Variants in ZNF699 observed in about 807,000 individuals in gnomAD.
ZNF699 encodes zinc finger protein 699.
Under a neutral mutation model 22.5 loss-of-function variants are expected in ZNF699, and 18 were observed. That is an observed-to-expected ratio of 0.80 (90% CI 0.55 to 1.19). The LOEUF is 1.19. Ranked by LOEUF, ZNF699 falls within the 50% of genes most tolerant of loss-of-function variation. The probability of loss-of-function intolerance (pLI) is 0.00; values close to 1 mark genes in which losing one functional copy is unlikely to be tolerated. For missense variants in ZNF699, 670 were observed against 763.4 expected, an observed-to-expected ratio of 0.88 and a Z score of 1.44; for synonymous variants, 241 against 262.3, an observed-to-expected ratio of 0.92 and a Z score of 0.78.
At chr19:9,306,166 G>A (rs1359827441) in intron 1 of ZNF699, among the ~76,000 whole-genome samples, 1 of 152,048 alleles carries the variant, frequency 6.6e-6, no homozygotes. Flanking sequence ...GGCCGAGGTG[G>A]ATGGATCACG....
Position 9,296,152 on chromosome 19 carries a change from G to T in ZNF699, c.1252C>A (p.Pro418Thr). ...TTTCCACATTCCAGACATTCATACGGTTTTTCTCCAGTGTGTTTTCTCATA... is the reference window on the plus strand; with the variant it reads ...TTTCCACATTCCAGACATTCATACGTTTTTTCTCCAGTGTGTTTTCTCATA... ...IHMRKHTGEK[P>T]YECLECGKAF... The change falls in exon 6 of 6, where the codon CCG becomes ACG. Residue 418 changes from proline to threonine, a missense_variant. By Grantham distance (38) the Pro-to-Thr change is conservative. Coordinates refer to ENST00000591998, the MANE Select transcript of ZNF699 (RefSeq NM_198535.3). The T allele has an allele frequency of 6.2e-7, 1 of 1,613,884 alleles. No homozygotes were observed. Among genetic ancestry groups the T allele is most frequent in the Non-Finnish European group, 8.5e-7 (1 of 1,179,960 alleles).
intron 1 of ZNF699, among the ~76,000 whole-genome samples, 162 bp from the exon 2 acceptor site, chr19:9,305,286 CAT>C (rs920768371): frequency 2.1e-4 from 32 of 152,062 alleles, no homozygotes; most frequent in Middle Eastern, 3.4e-3. Context: ...CACACACACA[CAT>C]GCACACACCC....
Position 9,296,147 on chromosome 19 carries a change from A to G in ZNF699, c.1257T>C (p.Tyr419=), listed in dbSNP as rs774188223. 6.2e-6 allele frequency: 10 copies of G among 1,613,988 alleles called. No individual in the cohort carries two copies. The East Asian group carries it at 2.0e-4, about 32-fold the overall frequency. The part of the protein sequence containing the change: ...HMRKHTGEKP[Y]ECLECGKAFY... ...AGGCCTTTCCACATTCCAGACATTC[A>G]TACGGTTTTTCTCCAGTGTGTTTTC... The change falls in exon 6 of 6, where the codon TAT becomes TAC. Residue 419 remains tyrosine (Y), a synonymous_variant. Coordinates refer to ENST00000591998, the MANE Select transcript of ZNF699 (RefSeq NM_198535.3).
chr19:9,304,379 G>A (rs553653636), intron 2 of ZNF699, among the ~76,000 whole-genome samples: 1 of 151,536 alleles, frequency 6.6e-6, no homozygotes, highest in South Asian at 2.1e-4. Flanking sequence ...GAGAAAAGCA[G>A]CCTTTCATTT....
chr19:9,301,446 T>G (rs1332020310), intron 3 of ZNF699, among the ~76,000 whole-genome samples: 1 of 152,106 alleles, frequency 6.6e-6, no homozygotes, highest in Non-Finnish European at 1.5e-5. Context: ...GCCCTGCTGA[T>G]CCCTTGATTT....
At chr19:9,302,332 A>T in intron 3 of ZNF699, 46 bp downstream of exon 3, 1 of 1,608,872 alleles carries the variant, frequency 6.2e-7, no homozygotes, top group Admixed American at 1.7e-5. Context: ...TAGTGAGATA[A>T]AATAACTTTC....
At position 9,293,357 on chromosome 19, in the gene ZNF699, T is replaced by C. The variant is rs1413425900; in HGVS notation, c.*2118A>G. 6.6e-6 allele frequency among the ~76,000 whole-genome samples: 1 copy of C among 152,130 alleles called. No individual in the cohort carries two copies. Reference sequence around the variant, plus strand: ...ATTGTTTTGGGGATTATTCGTGGAATCGATATTTTTTGAAAACTGCAATAC... The same window carrying C: ...ATTGTTTTGGGGATTATTCGTGGAACCGATATTTTTTGAAAACTGCAATAC... On this transcript the variant is annotated 3_prime_UTR_variant, in exon 6 of 6. Coordinates refer to ENST00000591998, the MANE Select transcript of ZNF699 (RefSeq NM_198535.3).
chr19:9,298,663 C>T (rs2066296089), intron 3 of ZNF699, among the ~76,000 whole-genome samples: 2 of 152,104 alleles, frequency 1.3e-5, no homozygotes, highest in South Asian at 2.1e-4. Flanking sequence ...ACAAGGTTAC[C>T]TCATAATTTT....
chr19:9,309,136 C>CTTTT (rs61471638), intron 1 of ZNF699, among the ~76,000 whole-genome samples: 9 of 104,832 alleles, frequency 8.6e-5, no homozygotes, highest in African/African-American at 1.4e-4. Context: ...TTTTATTTTA[C>CTTTT]TTTTTTTTTT....
chr19:9,308,608 C>G (rs1295509198), intron 1 of ZNF699, among the ~76,000 whole-genome samples: 1 of 151,806 alleles, frequency 6.6e-6, no homozygotes, highest in Non-Finnish European at 1.5e-5. Flanking sequence ...GGCAACAGAG[C>G]GAGACTCCTA....
intron 1 of ZNF699, among the ~76,000 whole-genome samples, chr19:9,307,190 G>A (rs1359286995): frequency 6.6e-6 from 1 of 152,168 alleles, no homozygotes; most frequent in Middle Eastern, 3.2e-3. Flanking sequence ...AACAGAGCCA[G>A]ACTCTGTCTC....
intron 3 of ZNF699, among the ~76,000 whole-genome samples, chr19:9,298,432 C>T (rs1273921987): frequency 1.4e-5 from 2 of 138,592 alleles, no homozygotes; most frequent in African/African-American, 2.8e-5. Context: ...GGCGACAGAG[C>T]GAGACTCTAT....
rs546180021 is a variant in ZNF699, at chr19:9,308,570, G to A, written c.-6+780C>T. Reference sequence around the variant, plus strand: ...TGTAATTCCAGCACTTTGGGAGGCGGAGAGCCCATGAGTTCGAGACCTGCC... The same window carrying A: ...TGTAATTCCAGCACTTTGGGAGGCGAAGAGCCCATGAGTTCGAGACCTGCC... On this transcript the variant is annotated intron_variant, in intron 1 of 5. Coordinates refer to ENST00000591998, the MANE Select transcript of ZNF699 (RefSeq NM_198535.3). Among the ~76,000 whole-genome samples, 31 of 152,228 alleles carry A rather than the reference G, an allele frequency of 2.0e-4. 1 individual carries two copies. In the South Asian group the frequency reaches 2.7e-3, roughly 13 times the overall value.
In ZNF699 at chr19:9,307,837, A is replaced by G. The variant is rs149953336; in HGVS notation, c.-6+1513T>C. Among the ~76,000 whole-genome samples, 110 of 152,082 alleles carry G rather than the reference A, an allele frequency of 7.2e-4. 1 individual carries two copies. The East Asian group carries it at 0.02, about 28-fold the overall frequency. On this transcript the variant is annotated intron_variant, in intron 1 of 5. Transcript: ENST00000591998. ...GTGGCAGGTGCCTGTAATCGCCACT[A>G]CTTGGGAGGCTGAGGCAGAGAATTG...
At chr19:9,303,173 C>A (rs1036443345) in intron 2 of ZNF699, among the ~76,000 whole-genome samples, 1 of 152,150 alleles carries the variant, frequency 6.6e-6, no homozygotes, top group Non-Finnish European at 1.5e-5. Context: ...TTTCCACAAA[C>A]ACCAAGCAAT....
Position 9,294,854 on chromosome 19 carries a change from T to C in ZNF699, c.*621A>G, listed in dbSNP as rs2066278782. The C allele has an allele frequency of 2.6e-5, 4 of 152,084 alleles. No individual in the cohort carries two copies. In the South Asian group the frequency reaches 8.3e-4, roughly 32 times the overall value. The allele number at this position is 152,084 out of a possible 1,614,324, so 9.4% of individuals were successfully genotyped here. A position where few individuals can be genotyped will look rare whatever the true frequency, so the allele number is the denominator to read the frequency against. On this transcript the variant is annotated 3_prime_UTR_variant, in exon 6 of 6. Coordinates refer to ENST00000591998, the MANE Select transcript of ZNF699 (RefSeq NM_198535.3). The stretch of plus-strand genomic sequence containing the variant: ...TCTAACGTCTCTTAGCAAAAAAGAA[T>C]AGGAAGAAAAATATTGAGTGGGCAA...
chr19:9,301,924 T>TG (rs1419466271), intron 3 of ZNF699, among the ~76,000 whole-genome samples: 1 of 150,872 alleles, frequency 6.6e-6, no homozygotes, highest in Non-Finnish European at 1.5e-5. Context: ...TTTTTTGAGA[T>TG]GGAGTTTCAC....
rs1264652097 is a variant in ZNF699 at position 9,293,204 on chromosome 19, C to T, written c.*2271G>A. Reference sequence around the variant, plus strand: ...GGTGCCCTCAAAAAAAAAAAAAATCCAAATAGCCAATAAGCACATCGAAAA... The same window carrying T: ...GGTGCCCTCAAAAAAAAAAAAAATCTAAATAGCCAATAAGCACATCGAAAA... On this transcript the variant is annotated 3_prime_UTR_variant, in exon 6 of 6. Transcript: ENST00000591998. Among the ~76,000 whole-genome samples the T allele has an allele frequency of 1.3e-5, 2 of 148,672 alleles. No homozygotes were observed. The highest frequency in any genetic ancestry group is 5.0e-5 in the African/African-American group (2 of 39,948).
At chr19:9,303,984 C>A in intron 2 of ZNF699, among the ~76,000 whole-genome samples, 1 of 151,680 alleles carries the variant, frequency 6.6e-6, no homozygotes, top group East Asian at 1.9e-4. Context: ...TGCCCAGCTA[C>A]TTTTTTTTGT....
Sources: allele counts gnomAD v4.1 joint callset (sites outside exome capture counted in the v4.1 genomes callset), GRCh38; gene constraint gnomAD v4.1.1; transcripts MANE v1.5; gene names NCBI Gene and HGNC (gene_info 2026-07-23, HGNC 2026-07-21).